USP42: variants seen among roughly 807,000 people sequenced by gnomAD.
USP42 encodes ubiquitin specific peptidase 42.
Under a neutral mutation model 113.0 loss-of-function variants are expected in USP42, and 23 were observed. The observed-to-expected ratio is 0.20, with a 90% CI of 0.15 to 0.29. USP42 has a LOEUF of 0.29. Ranked by LOEUF, USP42 falls within the 10% of genes least tolerant of loss-of-function variation. The pLI is 1.00. For missense variants in USP42, 2,174 were observed against 1,779.8 expected (o/e 1.22, Z -3.99); for synonymous variants, 933 against 699.0 (o/e 1.33, Z -5.28).
the USP42 span, among the ~76,000 whole-genome samples, chr7:6,084,166 A>G: frequency 6.6e-6 from 1 of 151,092 alleles, no homozygotes; most frequent in South Asian, 2.1e-4. Flanking sequence ...AGCTGGGACT[A>G]CAGGCATGAG....
chr7:6,103,665 C>T (rs1790210271), upstream of USP42, among the ~76,000 whole-genome samples: 2 of 141,496 alleles, frequency 1.4e-5, no homozygotes, highest in Admixed American at 1.5e-4. Context: ...CTTTGGGAGG[C>T]TGAGGTGGGA....
chr7:6,147,458 A>G (rs1318206070), intron 11 of USP42, among the ~76,000 whole-genome samples: 2 of 152,194 alleles, frequency 1.3e-5, no homozygotes, highest in African/African-American at 4.8e-5. Context: ...AAAGGAAAAT[A>G]TAAATAAACA....
intron 3 of USP42, among the ~76,000 whole-genome samples, chr7:6,117,417 A>G (rs1489412204): frequency 6.6e-6 from 1 of 152,212 alleles, no homozygotes; most frequent in East Asian, 1.9e-4. Flanking sequence ...TTTTATGGCT[A>G]GATCACAATT....
chr7:6,081,968 C>A, the USP42 span, among the ~76,000 whole-genome samples: 1 of 152,022 alleles, frequency 6.6e-6, no homozygotes, highest in African/African-American at 2.4e-5. Flanking sequence ...ATAACATATT[C>A]TGTGAGACAA....
At position 6,118,709 on chromosome 7, in the gene USP42, G is replaced by A. The variant is rs371679311; in HGVS notation, c.442+3186G>A. On this transcript the variant is annotated intron_variant, in intron 3 of 17. Transcript: ENST00000306177. ...TTTATTTTTTTGCATATGGATGTTCGGTTGTTCTAGCACCATTTGTTGGAA... is the reference window on the plus strand; with the variant it reads ...TTTATTTTTTTGCATATGGATGTTCAGTTGTTCTAGCACCATTTGTTGGAA... Among the ~76,000 whole-genome samples, 18 of 151,974 alleles carry A rather than the reference G, an allele frequency of 1.2e-4. No individual in the cohort carries two copies. The East Asian group carries it at 3.1e-3, about 26-fold the overall frequency.
At chr7:6,114,900 C>T (rs1036602020) in intron 2 of USP42, among the ~76,000 whole-genome samples, 3 of 151,284 alleles carry the variant, frequency 2.0e-5, no homozygotes, top group Non-Finnish European at 4.4e-5. Flanking sequence ...CCTTGTTAGC[C>T]AGGATGGTCT....
intron 15 of USP42, among the ~76,000 whole-genome samples, chr7:6,155,598 T>C (rs1164630092): frequency 2.6e-5 from 4 of 152,214 alleles, no homozygotes; most frequent in African/African-American, 9.6e-5. Context: ...TGTTATATTT[T>C]CCTGAAATTC....
At chr7:6,140,491 A>G (rs1298954825) in intron 6 of USP42, among the ~76,000 whole-genome samples, 3 of 152,214 alleles carry the variant, frequency 2.0e-5, no homozygotes, top group South Asian at 2.1e-4. Context: ...CAGTTGGAGT[A>G]GTGTTCCATT....
chr7:6,154,643 T>C lies in USP42; in HGVS notation c.3089T>C (p.Leu1030Pro), dbSNP rs6463529. ...TCCCGACACCGGAGCGGGGTGGAGCTGGACTGGGTCAGACACCACTACACC... is the reference window on the plus strand; with the variant it reads ...TCCCGACACCGGAGCGGGGTGGAGCCGGACTGGGTCAGACACCACTACACC... ...HHSRHRSGVE[L>P]DWVRHHYTEG... is the part of the protein sequence containing the mutation. Residue 1030 changes from leucine to proline, a missense_variant, in exon 15 of 18, where the codon CTG (leucine) becomes CCG (proline). Coordinates refer to ENST00000306177, the MANE Select transcript of USP42 (RefSeq NM_032172.3). 0.22 allele frequency: 346,385 copies of C among 1,603,982 alleles called. 54,030 individuals are homozygous for C. Among genetic ancestry groups the C allele is most frequent in the East Asian group, 0.76 (33,814 of 44,478 alleles).
At chr7:6,086,749 G>A in the USP42 span, among the ~76,000 whole-genome samples, 2 of 143,972 alleles carry the variant, frequency 1.4e-5, no homozygotes, top group Non-Finnish European at 3.0e-5. Flanking sequence ...TTTTTGAGAT[G>A]GAGTTTCGCT....
rs1482876959 is a variant in USP42 at position 6,158,899 on chromosome 7, G to A, written c.3944-551G>A. On this transcript the variant is annotated intron_variant, in intron 16 of 17. Coordinates refer to ENST00000306177, the MANE Select transcript of USP42 (RefSeq NM_032172.3). This position sits in a 1 kb window ranked among gnomAD's most constrained non-coding sequence, Gnocchi z 4.2. The stretch of plus-strand genomic sequence containing the variant: ...TGGTCCAGCGGGAGGGAGGTTGAAC[G>A]TGATCTTGTTTGCCTCGTGTCTCGG... 6.6e-6 allele frequency among the ~76,000 whole-genome samples: 1 copy of A among 151,934 alleles called. No individual in the cohort carries two copies. Among genetic ancestry groups the A allele is most frequent in the Admixed American group, 6.5e-5 (1 of 15,270 alleles).
chr7:6,138,986 T>G, intron 4 of USP42, 106 bp from the exon 5 acceptor site: 1 of 677,160 alleles, frequency 1.5e-6, no homozygotes. Flanking sequence ...AAGTAAGTAT[T>G]TGGGAGTTTT....
chr7:6,124,898 A>AG (rs1247842034), intron 3 of USP42, among the ~76,000 whole-genome samples: 15 of 152,038 alleles, frequency 9.9e-5, no homozygotes, highest in African/African-American at 3.6e-4. Context: ...TCCACTTCTC[A>AG]GGCCGGTGCC....
the USP42 span, among the ~76,000 whole-genome samples, chr7:6,094,940 A>T: frequency 6.6e-6 from 1 of 150,598 alleles, no homozygotes; most frequent in African/African-American, 2.5e-5. Flanking sequence ...GGTGCTTGCC[A>T]CCACATCTGG....
In USP42 at chr7:6,139,064, A is replaced by C. The variant is rs1162530494; in HGVS notation, c.554-28A>C. 2.7e-6 allele frequency: 4 copies of C among 1,505,570 alleles called. No homozygotes were observed. In the African/African-American group the frequency reaches 4.1e-5, roughly 16 times the overall value. The allele number at this position is 1,505,570 out of a possible 1,614,324, so 93.3% of individuals were successfully genotyped here. A position where few individuals can be genotyped will look rare whatever the true frequency, so the allele number is the denominator to read the frequency against. ...CTTAGGCTTATTACGTGTAATGATA[A>C]AGCCTTGTCTTTACCGAAATTTTAC... On this transcript the variant is annotated intron_variant, in intron 4 of 17. Transcript: ENST00000306177. The surrounding 1 kb of genome is among the most constrained non-coding windows in gnomAD (Gnocchi z 4.5).
chr7:6,135,840 G>T lies in USP42; in HGVS notation c.443-1G>T. The T allele has an allele frequency of 1.3e-6, 2 of 1,587,922 alleles. No homozygotes were observed. Among genetic ancestry groups the T allele is most frequent in the South Asian group, 2.3e-5 (2 of 86,344 alleles). On this transcript the variant is annotated splice_acceptor_variant, in intron 3 of 17. Transcript: ENST00000306177. LOFTEE classifies it high-confidence loss of function. ...TTGGAGGATTATCATCTATCTTTCA[G>T]GTCATGCAGAAGGCTTTTGTATGAT...
chr7:6,110,039 G>A (rs184207206), intron 1 of USP42, among the ~76,000 whole-genome samples: 79 of 151,950 alleles, frequency 5.2e-4, no homozygotes, highest in African/African-American at 1.7e-3. Context: ...TCACCATGTT[G>A]GCCAGGCTGG....
chr7:6,100,221 C>A (rs1490955907), upstream of USP42, among the ~76,000 whole-genome samples: 1 of 150,694 alleles, frequency 6.6e-6, no homozygotes, highest in Non-Finnish European at 1.5e-5. Flanking sequence ...TAAGCCAACA[C>A]ATCCCCTTCT....
chr7:6,092,508 T>C, the USP42 span, among the ~76,000 whole-genome samples: 1 of 151,058 alleles, frequency 6.6e-6, no homozygotes, highest in East Asian at 1.9e-4. Flanking sequence ...GCCATTTCTG[T>C]TGTAAAACTT....
Sources: gnomAD v4.1 joint callset for allele counts (sites outside exome capture counted in the v4.1 genomes callset) on GRCh38, gnomAD v4.1.1 for gene constraint, Gnocchi (gnomAD v3.1) non-coding constraint, MANE v1.5 for transcripts, NCBI Gene and HGNC (gene_info 2026-07-23, HGNC 2026-07-21) for gene names.